Variants in EFHC1 observed in about 807,000 individuals in gnomAD.
The protein encoded by EFHC1 is EF-hand domain-containing protein 1.
In EFHC1, 53 loss-of-function variants were observed where a neutral mutation model predicts 69.9. The observed-to-expected ratio is 0.76, with a 90% CI of 0.61 to 0.95. EFHC1 has a LOEUF of 0.95. Ranked by LOEUF, EFHC1 falls within the 40% of genes least tolerant of loss-of-function variation. The pLI is 0.00. For missense variants in EFHC1, 739 were observed against 798.7 expected, an observed-to-expected ratio of 0.93 and a Z score of 0.90; for synonymous variants, 256 against 278.4, an observed-to-expected ratio of 0.92 and a Z score of 0.80.
rs971759703 is a variant in EFHC1 at position 52,496,208 on chromosome 6, CCA to C, written c.*3884_*3885del. On this transcript the variant is annotated 3_prime_UTR_variant, in exon 11 of 11. Coordinates refer to ENST00000371068, the MANE Select transcript of EFHC1 (RefSeq NM_018100.4). ...GAAAGATTCTAATACACACACACAC[CCA>C]CACACACACACACACAAAGAGAGAA... 1.1e-3 allele frequency: 114 copies of C among 107,356 alleles called. No homozygotes were observed. The highest frequency in any genetic ancestry group is 1.9e-3 in the Non-Finnish European group (81 of 43,742). 6.7% of individuals were successfully genotyped at this position (107,356 alleles called of 1,614,324 possible). A position where few individuals can be genotyped will look rare whatever the true frequency, so the allele number is the denominator to read the frequency against.
Position 52,445,408 on chromosome 6 carries a change from C to T in EFHC1, c.573+6817C>T, listed in dbSNP as rs140589978. On this transcript the variant is annotated intron_variant, in intron 3 of 10. Transcript: ENST00000371068. ...TAGTGTGCTGCACCCACTAACTTGTCGTCTAGCATTAGGTATATCTCCCAA... is the reference window on the plus strand; with the variant it reads ...TAGTGTGCTGCACCCACTAACTTGTTGTCTAGCATTAGGTATATCTCCCAA... Among the ~76,000 whole-genome samples the T allele has an allele frequency of 4.5e-3, 688 of 151,868 alleles. 40 individuals carry two copies. In the East Asian group the frequency reaches 0.11, roughly 25 times the overall value.
In EFHC1 at chr6:52,437,350, T is replaced by G. The variant is rs568234943; in HGVS notation, c.286-954T>G. Among the ~76,000 whole-genome samples the G allele has an allele frequency of 2.0e-5, 3 of 152,236 alleles. No individual in the cohort carries two copies. In the South Asian group the frequency reaches 6.2e-4, roughly 32 times the overall value. On this transcript the variant is annotated intron_variant, in intron 2 of 10. Coordinates refer to ENST00000371068, the MANE Select transcript of EFHC1 (RefSeq NM_018100.4). ...TGACATGGAGGTGAAGCTAGTAGAGTTAAGTCCTTTAAGATGTATTCTCAC... is the reference window on the plus strand; with the variant it reads ...TGACATGGAGGTGAAGCTAGTAGAGGTAAGTCCTTTAAGATGTATTCTCAC...
chr6:52,496,664 A>C lies in EFHC1; in HGVS notation c.*4323A>C, dbSNP rs1361664449. The C allele has an allele frequency of 6.6e-6, 1 of 152,230 alleles. No individual in the cohort carries two copies. 9.4% of individuals were successfully genotyped at this position (152,230 alleles called of 1,614,324 possible). Reference sequence around the variant, plus strand: ...CTCTCACCATGACTCCCCACAAAACATGAAACCCTTTTGACACAGATGCAC... The same window carrying C: ...CTCTCACCATGACTCCCCACAAAACCTGAAACCCTTTTGACACAGATGCAC... On this transcript the variant is annotated 3_prime_UTR_variant, in exon 11 of 11. Transcript: ENST00000371068.
At position 52,454,177 on chromosome 6, in the gene EFHC1, T is replaced by C. The variant is rs764335906; in HGVS notation, c.806T>C (p.Met269Thr). The C allele has an allele frequency of 1.2e-6, 2 of 1,614,186 alleles. No homozygotes were observed. The highest frequency in any genetic ancestry group is 1.7e-6 in the Non-Finnish European group (2 of 1,180,030). The change falls in exon 5 of 11, where the codon ATG (methionine) becomes ACG (threonine). Residue 269 changes from methionine (M) to threonine (T), a missense_variant. Coordinates refer to ENST00000371068, the MANE Select transcript of EFHC1 (RefSeq NM_018100.4). Reference protein sequence around the residue: ...CRTYIIHYYLMDDTVEIREVH... With the variant: ...CRTYIIHYYLTDDTVEIREVH... ...ACCTACATCATTCATTACTATCTTA[T>C]GGATGATACGGTGGAAATTCGAGAG...
rs774056218 is a variant in EFHC1 at position 52,438,357 on chromosome 6, A to G, written c.339A>G (p.Glu113=). The part of the protein sequence containing the change: ...FQEDVPMSTE[E]QYRIRQVNIY... ...AAGATGTTCCTATGTCAACTGAGGA[A>G]CAGTATAGGATCCGTCAGGTGAACA... Residue 113 remains glutamate, a synonymous_variant, in exon 3 of 11, where the codon GAA becomes GAG. Coordinates refer to ENST00000371068, the MANE Select transcript of EFHC1 (RefSeq NM_018100.4). 13 of 1,613,766 alleles carry G rather than the reference A, an allele frequency of 8.1e-6. No homozygotes were observed. Among genetic ancestry groups the G allele is most frequent in the South Asian group, 1.1e-5 (1 of 91,074 alleles).
chr6:52,420,830 A>C (rs1764174086), intron 1 of EFHC1, among the ~76,000 whole-genome samples: 6 of 143,942 alleles, frequency 4.2e-5, no homozygotes, highest in South Asian at 2.2e-4. Context: ...CCCCCACCCT[A>C]CTCCCAACCT....
At chr6:52,427,716 T>C (rs779392948) in intron 2 of EFHC1, among the ~76,000 whole-genome samples, 14 of 152,200 alleles carry the variant, frequency 9.2e-5, no homozygotes, top group Non-Finnish European at 1.9e-4. Flanking sequence ...ATGACATGAA[T>C]AATTAACAAA....
At chr6:52,421,029 T>G (rs1432936664) in intron 1 of EFHC1, 42 of 1,011,854 alleles carry the variant, frequency 4.2e-5, no homozygotes, top group Non-Finnish European at 4.9e-5. Flanking sequence ...CATTTCCTGT[T>G]TTGTATGTAT....
intron 2 of EFHC1, among the ~76,000 whole-genome samples, chr6:52,437,013 C>G (rs918722183): frequency 6.6e-6 from 1 of 152,046 alleles, no homozygotes; most frequent in Non-Finnish European, 1.5e-5. Context: ...ATGATGCTCC[C>G]CAGAGGACCA....
intron 5 of EFHC1, among the ~76,000 whole-genome samples, chr6:52,463,721 C>T (rs1226857202): frequency 6.6e-6 from 1 of 152,160 alleles, no homozygotes; most frequent in Non-Finnish European, 1.5e-5. Context: ...CACACATATA[C>T]CAGATCTCCT....
At chr6:52,439,888 A>G (rs1242063456) in intron 3 of EFHC1, among the ~76,000 whole-genome samples, 2 of 152,150 alleles carry the variant, frequency 1.3e-5, no homozygotes, top group Admixed American at 1.3e-4. Flanking sequence ...GGTCTTATAT[A>G]TCATAGGCAG....
intron 6 of EFHC1, among the ~76,000 whole-genome samples, chr6:52,466,584 T>C (rs1765311668): frequency 6.6e-6 from 1 of 152,230 alleles, no homozygotes; most frequent in Non-Finnish European, 1.5e-5. Flanking sequence ...TATTTTGTAC[T>C]AGATTGTAAC....
chr6:52,495,446 A>T lies in EFHC1; in HGVS notation c.*3105A>T, dbSNP rs946236238. On this transcript the variant is annotated 3_prime_UTR_variant, in exon 11 of 11. Coordinates refer to ENST00000371068, the MANE Select transcript of EFHC1 (RefSeq NM_018100.4). ...AGGAGCTTTGGGCTACTCCTTAACA[A>T]ATCATTCATGGATCGGCAGCAAATC... is the stretch of plus-strand genomic sequence containing the variant. 3.5e-5 allele frequency: 16 copies of T among 454,014 alleles called. No homozygotes were observed. The East Asian group carries it at 1.0e-3, about 30-fold the overall frequency. 28.1% of individuals were successfully genotyped at this position (454,014 alleles called of 1,614,324 possible).
intron 3 of EFHC1, among the ~76,000 whole-genome samples, chr6:52,451,206 T>G (rs1427457631): frequency 6.6e-6 from 1 of 152,164 alleles, no homozygotes; most frequent in Non-Finnish European, 1.5e-5. Context: ...TTATGCTGGT[T>G]TGTTTGTGTG....
At chr6:52,440,893 G>T (rs922390409) in intron 3 of EFHC1, among the ~76,000 whole-genome samples, 7 of 152,094 alleles carry the variant, frequency 4.6e-5, no homozygotes, top group East Asian at 3.9e-4. Context: ...TAGTGATGTT[G>T]AGCTTTTTTT....
Position 52,465,106 on chromosome 6 carries a change from A to G in EFHC1, c.1128A>G (p.Pro376=). The G allele has an allele frequency of 2.5e-6, 4 of 1,613,598 alleles. No individual in the cohort carries two copies. Among genetic ancestry groups the G allele is most frequent in the Non-Finnish European group, 3.4e-6 (4 of 1,180,006 alleles). ...ATGTGAGCAAGCGGGAACCACCTCC[A>G]GTAAAACAGGTAATCAGATAGTACT... is the stretch of plus-strand genomic sequence containing the variant. The part of the protein sequence containing the change: ...RIDVSKREPP[P]VKQELPPYNG... The change falls in exon 6 of 11, where the codon CCA becomes CCG. Residue 376 remains proline (P), a synonymous_variant. Transcript: ENST00000371068.
intron 5 of EFHC1, among the ~76,000 whole-genome samples, chr6:52,458,462 A>G (rs934202181): frequency 6.6e-6 from 1 of 152,214 alleles, no homozygotes; most frequent in Non-Finnish European, 1.5e-5. Context: ...AAGAAAAATA[A>G]CAAATAACCC....
At chr6:52,464,833 G>C (rs1765260772) in intron 5 of EFHC1, 62 bp from the exon 6 acceptor site, 1 of 1,449,186 alleles carries the variant, frequency 6.9e-7, no homozygotes, top group Non-Finnish European at 9.7e-7. Context: ...GCAGTTGTGT[G>C]TCAAGTCTTT....
In EFHC1 at chr6:52,494,781, G is replaced by A. The variant is rs1457513473; in HGVS notation, c.*2440G>A. The stretch of plus-strand genomic sequence containing the variant: ...TTCAATGTTTAGCTCCCACTTAGAA[G>A]TAAGAACATGCAATATTTGGTTTCC... On this transcript the variant is annotated 3_prime_UTR_variant, in exon 11 of 11. Coordinates refer to ENST00000371068, the MANE Select transcript of EFHC1 (RefSeq NM_018100.4). The A allele has an allele frequency of 2.2e-6, 1 of 451,806 alleles. No homozygotes were observed. Among genetic ancestry groups the A allele is most frequent in the Admixed American group, 2.4e-5 (1 of 42,520 alleles). The allele number at this position is 451,806 out of a possible 1,614,324, so 28.0% of individuals were successfully genotyped here. A position where few individuals can be genotyped will look rare whatever the true frequency, so the allele number is the denominator to read the frequency against.
Sources: allele counts gnomAD v4.1 joint callset (sites outside exome capture counted in the v4.1 genomes callset), GRCh38; gene constraint gnomAD v4.1.1; transcripts MANE v1.5; gene names NCBI Gene and HGNC (gene_info 2026-07-23, HGNC 2026-07-21).